The following PALLD variants were observed in gnomAD, a reference collection of about 807,000 sequenced individuals.
PALLD encodes the protein palladin, cytoskeletal associated protein, also known as palladin.
Under a neutral mutation model 123.5 loss-of-function variants are expected in PALLD, and 61 were observed. The ratio of observed to expected loss-of-function variants is 0.49; its 90% CI spans 0.40 to 0.61. The LOEUF is 0.61. Ranked by LOEUF, PALLD falls within the 20% of genes least tolerant of loss-of-function variation. The probability of loss-of-function intolerance (pLI) is 0.00; values close to 1 mark genes in which losing one functional copy is unlikely to be tolerated. For synonymous variants in PALLD, 465 were observed against 496.4 expected, an observed-to-expected ratio of 0.94 and a Z score of 0.84; for missense variants, 1,273 against 1,377.0, an observed-to-expected ratio of 0.92 and a Z score of 1.20.
chr4:168,735,772 G>T (rs1787683723), intron 10 of PALLD, among the ~76,000 whole-genome samples: 1 of 151,906 alleles, frequency 6.6e-6, no homozygotes, highest in South Asian at 2.1e-4. Flanking sequence ...TTTCAGCTTT[G>T]GGTTTTCGTC....
chr4:168,544,892 A>G (rs1765992448), intron 2 of PALLD, among the ~76,000 whole-genome samples: 1 of 152,166 alleles, frequency 6.6e-6, no homozygotes, highest in South Asian at 2.1e-4. Flanking sequence ...CGTAAAAGCT[A>G]CTTCAGATTT....
intron 3 of PALLD, among the ~76,000 whole-genome samples, chr4:168,673,534 G>A (rs1282240916): frequency 2.0e-5 from 3 of 152,346 alleles, no homozygotes; most frequent in East Asian, 1.9e-4. Flanking sequence ...TATAGTCACC[G>A]TTAGTTTGGC....
intron 2 of PALLD, among the ~76,000 whole-genome samples, chr4:168,605,293 A>C (rs60569003): frequency 0.083 from 12,631 of 151,966 alleles, 554 homozygotes; most frequent in South Asian, 0.11. Context: ...ACCCTGGACC[A>C]ACTAGATAGA....
In PALLD at chr4:168,869,273, TAATC is replaced by T. The variant is rs1281650930; in HGVS notation, c.1965-21646_1965-21643del. Reference sequence around the variant, plus strand: ...GACATCTATGTGCAAAACACTGTAATAATCAAGAAGATAGAACACATCTGGCTCT... The same window carrying T: ...GACATCTATGTGCAAAACACTGTAATAAGAAGATAGAACACATCTGGCTCT... On this transcript the variant is annotated intron_variant, in intron 10 of 21. Coordinates refer to ENST00000505667, the MANE Select transcript of PALLD (RefSeq NM_001166108.2). The surrounding 1 kb of genome is among the most constrained non-coding windows in gnomAD (Gnocchi z 4.5). Among the ~76,000 whole-genome samples the T allele has an allele frequency of 6.6e-6, 1 of 152,108 alleles. No homozygotes were observed. The highest frequency in any genetic ancestry group is 6.6e-5 in the Admixed American group (1 of 15,266).
At chr4:168,777,432 C>T (rs546855348) in intron 10 of PALLD, among the ~76,000 whole-genome samples, 26 of 152,062 alleles carry the variant, frequency 1.7e-4, no homozygotes, top group African/African-American at 3.9e-4. Flanking sequence ...ATGGGGGAGA[C>T]GGGGTTTAGG....
At chr4:168,878,974 T>G (rs975342186) in intron 10 of PALLD, among the ~76,000 whole-genome samples, 5 of 152,220 alleles carry the variant, frequency 3.3e-5, no homozygotes, top group African/African-American at 1.2e-4. Context: ...AAACCTTAAT[T>G]AACAGATTTA....
At chr4:168,742,389 G>C (rs1194819863) in intron 10 of PALLD, among the ~76,000 whole-genome samples, 1 of 152,162 alleles carries the variant, frequency 6.6e-6, no homozygotes, top group Non-Finnish European at 1.5e-5. Context: ...TTTATCCCAG[G>C]GAAGGAATAA....
chr4:168,521,642 T>A (rs1219632561), intron 2 of PALLD, among the ~76,000 whole-genome samples: 1 of 152,252 alleles, frequency 6.6e-6, no homozygotes, highest in Non-Finnish European at 1.5e-5. Context: ...AAAATCTTCA[T>A]ACTGCCATTT....
intron 10 of PALLD, among the ~76,000 whole-genome samples, chr4:168,794,064 C>T (rs1437570092): frequency 6.6e-6 from 1 of 152,162 alleles, no homozygotes; most frequent in East Asian, 1.9e-4. Context: ...AGTGGCACGG[C>T]TCCTCCCGTC....
rs1435799139 is a variant in PALLD at position 168,813,446 on chromosome 4, ATTGATTGG to A, written c.1965-77464_1965-77457del. On this transcript the variant is annotated intron_variant, in intron 10 of 21. Transcript: ENST00000505667. ...ACAACAACAAAAATAACATTATCTGATTGATTGGTTGATTGGTTGGTTGATTTTAGAGA... is the reference window on the plus strand; with the variant it reads ...ACAACAACAAAAATAACATTATCTGATTGATTGGTTGGTTGATTTTAGAGA... Among the ~76,000 whole-genome samples the A allele has an allele frequency of 3.9e-5, 6 of 151,966 alleles. No individual in the cohort carries two copies. In the East Asian group the frequency reaches 7.7e-4, roughly 20 times the overall value.
intron 3 of PALLD, among the ~76,000 whole-genome samples, chr4:168,676,927 A>G (rs1478310613): frequency 9.2e-5 from 14 of 152,078 alleles, no homozygotes; most frequent in Admixed American, 9.2e-4. Flanking sequence ...TCAAGGCAGG[A>G]GACTCATTTT....
intron 10 of PALLD, among the ~76,000 whole-genome samples, chr4:168,824,670 T>A (rs991808486): frequency 1.3e-5 from 2 of 151,914 alleles, no homozygotes; most frequent in Non-Finnish European, 2.9e-5. Flanking sequence ...AAAAAAAAAA[T>A]CTTAATTTTT....
chr4:168,774,467 C>T (rs1006992587), intron 10 of PALLD, among the ~76,000 whole-genome samples: 3 of 152,124 alleles, frequency 2.0e-5, no homozygotes, highest in Non-Finnish European at 4.4e-5. Flanking sequence ...GTGGCTCATG[C>T]GTGTAATCCC....
chr4:168,794,500 A>G (rs940123425), intron 10 of PALLD, among the ~76,000 whole-genome samples: 1 of 126,546 alleles, frequency 7.9e-6, no homozygotes, highest in East Asian at 2.7e-4. Flanking sequence ...GCACGCACAC[A>G]CACACGCACA....
intron 2 of PALLD, among the ~76,000 whole-genome samples, chr4:168,666,062 C>A (rs1037094770): frequency 2.0e-5 from 3 of 151,616 alleles, no homozygotes; most frequent in Non-Finnish European, 2.9e-5. Context: ...TTTTTCAAAC[C>A]CTTAAAAGTA....
chr4:168,585,310 G>A (rs1770703618), intron 2 of PALLD, among the ~76,000 whole-genome samples: 1 of 151,974 alleles, frequency 6.6e-6, no homozygotes, highest in Admixed American at 6.6e-5. Context: ...GAGTGTGTGT[G>A]TGTGTGTGTG....
intron 10 of PALLD, chr4:168,878,028 GC>G: frequency 6.7e-7 from 1 of 1,491,036 alleles, no homozygotes; most frequent in Non-Finnish European, 8.9e-7. Context: ...TCCAGCCCCA[GC>G]TCGTCCAGCC....
chr4:168,593,890 A>G (rs1430461433), intron 2 of PALLD, among the ~76,000 whole-genome samples: 1 of 152,252 alleles, frequency 6.6e-6, no homozygotes, highest in Non-Finnish European at 1.5e-5. Context: ...AAATTTTTAA[A>G]GACATAAAGT....
intron 1 of PALLD, among the ~76,000 whole-genome samples, chr4:168,509,804 T>A (rs1015348012): frequency 6.6e-6 from 1 of 152,240 alleles, no homozygotes; most frequent in Non-Finnish European, 1.5e-5. Context: ...AGATGGGGTA[T>A]GTTAACATTG....
Sources: allele counts gnomAD v4.1 joint callset (sites outside exome capture counted in the v4.1 genomes callset), GRCh38; gene constraint gnomAD v4.1.1; non-coding constraint Gnocchi (gnomAD v3.1); transcripts MANE v1.5; gene names NCBI Gene and HGNC (gene_info 2026-07-23, HGNC 2026-07-21).